OR5AN1: variants seen among roughly 807,000 people sequenced by gnomAD.
OR5AN1 encodes the protein olfactory receptor 5AN1.
For missense variants in OR5AN1, 476 were observed against 368.9 expected, an observed-to-expected ratio of 1.29 and a Z score of -2.38; for synonymous variants, 167 against 131.8, an observed-to-expected ratio of 1.27 and a Z score of -1.83.
rs1248339025 is a variant in OR5AN1 at position 59,369,530 on chromosome 11, G to C, written c.*4136G>C. 2.6e-5 allele frequency: 4 copies of C among 151,996 alleles called. No individual in the cohort carries two copies. The highest frequency in any genetic ancestry group is 4.4e-5 in the Non-Finnish European group (3 of 68,000). The allele number at this position is 151,996 out of a possible 1,614,324, so 9.4% of individuals were successfully genotyped here. A position where few individuals can be genotyped will look rare whatever the true frequency, so the allele number is the denominator to read the frequency against. On this transcript the variant is annotated 3_prime_UTR_variant, in exon 2 of 2. Coordinates refer to ENST00000641998, the MANE Select transcript of OR5AN1 (RefSeq NM_001004729.2). The stretch of plus-strand genomic sequence containing the variant: ...AGCTGAGGAAACAATCTCAGAACTT[G>C]ATGCTGGTTCTCTGAAATAAGACAG...
At position 59,366,725 on chromosome 11, in the gene OR5AN1, A is replaced by T. The variant is rs570037025; in HGVS notation, c.*1331A>T. 1 of 152,226 alleles carries T rather than the reference A, an allele frequency of 6.6e-6. No individual in the cohort carries two copies. Among genetic ancestry groups the T allele is most frequent in the South Asian group, 2.1e-4 (1 of 4,830 alleles). The allele number at this position is 152,226 out of a possible 1,614,324, so 9.4% of individuals were successfully genotyped here. On this transcript the variant is annotated 3_prime_UTR_variant, in exon 2 of 2. Coordinates refer to ENST00000641998, the MANE Select transcript of OR5AN1 (RefSeq NM_001004729.2). ...AGCTGATACTTATTCAAAACTCAGA[A>T]TAGGGACCCCAGCATATAATAAACG...
chr11:59,360,775 C>G (rs1857454278), intron 1 of OR5AN1, among the ~76,000 whole-genome samples: 1 of 152,166 alleles, frequency 6.6e-6, no homozygotes, highest in African/African-American at 2.4e-5. Context: ...CATGTCCCTG[C>G]AAAGGACATG....
Position 59,370,344 on chromosome 11 carries a change from G to A in OR5AN1, c.*4950G>A, listed in dbSNP as rs1056050859. ...GCAGGATAAAAAAGGAAGACCCAATGGTATGCTGTCTTCAAGAGACCCGTC... is the reference window on the plus strand; with the variant it reads ...GCAGGATAAAAAAGGAAGACCCAATAGTATGCTGTCTTCAAGAGACCCGTC... On this transcript the variant is annotated 3_prime_UTR_variant, in exon 2 of 2. Transcript: ENST00000641998. 2.0e-5 allele frequency: 3 copies of A among 152,076 alleles called. No individual in the cohort carries two copies. The highest frequency in any genetic ancestry group is 2.9e-5 in the Non-Finnish European group (2 of 68,006). 9.4% of individuals were successfully genotyped at this position (152,076 alleles called of 1,614,324 possible). A position where few individuals can be genotyped will look rare whatever the true frequency, so the allele number is the denominator to read the frequency against.
At position 59,370,295 on chromosome 11, in the gene OR5AN1, C is replaced by T. The variant is rs1216443768; in HGVS notation, c.*4901C>T. ...TTGAATGTAAATGGGCTAAATGCCC[C>T]ACTAAAAAGGCACAGAGTGGCAAGC... On this transcript the variant is annotated 3_prime_UTR_variant, in exon 2 of 2. Transcript: ENST00000641998. 6.6e-6 allele frequency: 1 copy of T among 152,046 alleles called. No individual in the cohort carries two copies. Among genetic ancestry groups the T allele is most frequent in the Non-Finnish European group, 1.5e-5 (1 of 68,008 alleles). 9.4% of individuals were successfully genotyped at this position (152,046 alleles called of 1,614,324 possible).
intron 1 of OR5AN1, chr11:59,359,547 C>G (rs929491725): frequency 6.6e-6 from 1 of 152,136 alleles, no homozygotes; most frequent in African/African-American, 2.4e-5. Context: ...ATTCTGTTTT[C>G]AAAATGCTAA....
intron 1 of OR5AN1, among the ~76,000 whole-genome samples, chr11:59,364,176 T>C (rs1857496314): frequency 6.6e-6 from 1 of 152,212 alleles, no homozygotes; most frequent in African/African-American, 2.4e-5. Flanking sequence ...ACTCTCAGCA[T>C]TTCTATAGCA....
Position 59,365,528 on chromosome 11 carries a change from C to T in OR5AN1, c.*134C>T. ...TGGACAAAGAAGGCTTGATTTGATG[C>T]ACAAAATATGCCAATATGGACCAAC... On this transcript the variant is annotated 3_prime_UTR_variant, in exon 2 of 2. Coordinates refer to ENST00000641998, the MANE Select transcript of OR5AN1 (RefSeq NM_001004729.2). The T allele has an allele frequency of 1.6e-6, 1 of 612,936 alleles. No homozygotes were observed. The highest frequency in any genetic ancestry group is 2.8e-6 in the Non-Finnish European group (1 of 354,100). The allele number at this position is 612,936 out of a possible 1,614,324, so 38.0% of individuals were successfully genotyped here.
intron 1 of OR5AN1, among the ~76,000 whole-genome samples, chr11:59,361,323 C>T (rs12421511): frequency 0.18 from 27,981 of 152,020 alleles, 3,242 homozygotes; most frequent in Non-Finnish European, 0.27. Flanking sequence ...GCTCTGTTGC[C>T]CAGGCTGGAG....
Position 59,366,306 on chromosome 11 carries a change from T to A in OR5AN1, c.*912T>A, listed in dbSNP as rs1857533444. Reference sequence around the variant, plus strand: ...GGTAACTATTGAATCCAGGAGAGGATGAAAGAAACATGGGTCAAATATATT... The same window carrying A: ...GGTAACTATTGAATCCAGGAGAGGAAGAAAGAAACATGGGTCAAATATATT... On this transcript the variant is annotated 3_prime_UTR_variant, in exon 2 of 2. Transcript: ENST00000641998. 1 of 152,138 alleles carries A rather than the reference T, an allele frequency of 6.6e-6. No individual in the cohort carries two copies. Among genetic ancestry groups the A allele is most frequent in the African/African-American group, 2.4e-5 (1 of 41,434 alleles). 9.4% of individuals were successfully genotyped at this position (152,138 alleles called of 1,614,324 possible).
At position 59,367,881 on chromosome 11, in the gene OR5AN1, G is replaced by A. The variant is rs1273332562; in HGVS notation, c.*2487G>A. ...CCCTGAGATGGCACTCACAGAGGGAGAAGTGGGTTACCATCTTTGCTGTTT... is the reference window on the plus strand; with the variant it reads ...CCCTGAGATGGCACTCACAGAGGGAAAAGTGGGTTACCATCTTTGCTGTTT... On this transcript the variant is annotated 3_prime_UTR_variant, in exon 2 of 2. Coordinates refer to ENST00000641998, the MANE Select transcript of OR5AN1 (RefSeq NM_001004729.2). 2.6e-5 allele frequency: 4 copies of A among 152,298 alleles called. No individual in the cohort carries two copies. The highest frequency in any genetic ancestry group is 7.2e-5 in the African/African-American group (3 of 41,446). 9.4% of individuals were successfully genotyped at this position (152,298 alleles called of 1,614,324 possible). A position where few individuals can be genotyped will look rare whatever the true frequency, so the allele number is the denominator to read the frequency against.
intron 1 of OR5AN1, among the ~76,000 whole-genome samples, chr11:59,360,812 A>G (rs1857454705): frequency 6.6e-6 from 1 of 152,232 alleles, no homozygotes; most frequent in Admixed American, 6.5e-5. Context: ...TGGCTATTCT[A>G]AGAGTAAACA....
In OR5AN1 at chr11:59,371,359, G is replaced by A. The variant is rs1320594046; in HGVS notation, c.*5965G>A. 6.6e-6 allele frequency: 1 copy of A among 151,944 alleles called. No individual in the cohort carries two copies. 9.4% of individuals were successfully genotyped at this position (151,944 alleles called of 1,614,324 possible). A position where few individuals can be genotyped will look rare whatever the true frequency, so the allele number is the denominator to read the frequency against. ...AATATGTGAAGGTGAGGAATTCAGA[G>A]GAACCTCTATAGGTCACCACCTTAG... On this transcript the variant is annotated 3_prime_UTR_variant, in exon 2 of 2. Coordinates refer to ENST00000641998, the MANE Select transcript of OR5AN1 (RefSeq NM_001004729.2).
rs779857422 is a variant in OR5AN1, at chr11:59,367,564, C to T, written c.*2170C>T. On this transcript the variant is annotated 3_prime_UTR_variant, in exon 2 of 2. Transcript: ENST00000641998. The stretch of plus-strand genomic sequence containing the variant: ...ACTGGCTTGGAATTCCAGACAGCTA[C>T]CAGTAGTGGCATTGTACCTCCCTAA... The T allele has an allele frequency of 6.6e-6, 1 of 152,250 alleles. No individual in the cohort carries two copies. The highest frequency in any genetic ancestry group is 2.1e-4 in the South Asian group (1 of 4,816). The allele number at this position is 152,250 out of a possible 1,614,324, so 9.4% of individuals were successfully genotyped here.
At position 59,365,347 on chromosome 11, in the gene OR5AN1, G is replaced by A; in HGVS notation, c.889G>A (p.Glu297Lys). Reference sequence around the variant, plus strand: ...CTTGATTTACAGTTTGAGGAACAAAGAAATTAAAGATGCCTTAAAGAGGTT... The same window carrying A: ...CTTGATTTACAGTTTGAGGAACAAAAAAATTAAAGATGCCTTAAAGAGGTT... ...NPLIYSLRNK[E>K]IKDALKRLQK... is the part of the protein sequence containing the mutation. Residue 297 changes from glutamate (E) to lysine (K), a missense_variant, in exon 2 of 2, where the codon GAA (glutamate) becomes AAA (lysine). Glu to Lys is a moderately conservative substitution (Grantham distance 56). Coordinates refer to ENST00000641998, the MANE Select transcript of OR5AN1 (RefSeq NM_001004729.2). 1 of 1,609,150 alleles carries A rather than the reference G, an allele frequency of 6.2e-7. No individual in the cohort carries two copies. Among genetic ancestry groups the A allele is most frequent in the Non-Finnish European group, 8.5e-7 (1 of 1,178,458 alleles).
intron 1 of OR5AN1, among the ~76,000 whole-genome samples, chr11:59,363,482 T>A (rs1857487792): frequency 6.6e-6 from 1 of 152,184 alleles, no homozygotes; most frequent in Non-Finnish European, 1.5e-5. Flanking sequence ...ATGCTTTGTA[T>A]TAAGGCTTCC....
At position 59,365,090 on chromosome 11, in the gene OR5AN1, G is replaced by T. The variant is rs762756314; in HGVS notation, c.632G>T (p.Ser211Ile). The T allele has an allele frequency of 4.3e-6, 7 of 1,614,074 alleles. No homozygotes were observed. The highest frequency in any genetic ancestry group is 5.9e-6 in the Non-Finnish European group (7 of 1,179,992). Residue 211 changes from serine (S) to isoleucine (I), a missense_variant, in exon 2 of 2, where the codon AGT becomes ATT. Physicochemically the swap from Ser to Ile is moderately radical, Grantham distance 142. Coordinates refer to ENST00000641998, the MANE Select transcript of OR5AN1 (RefSeq NM_001004729.2). ...AILTMFFGIA[S>I]ALVIMISYGY... is the part of the protein sequence containing the mutation. Reference sequence around the variant, plus strand: ...TTAACCATGTTCTTTGGGATAGCAAGTGCCCTAGTTATCATGATATCCTAT... The same window carrying T: ...TTAACCATGTTCTTTGGGATAGCAATTGCCCTAGTTATCATGATATCCTAT...
chr11:59,363,745 G>A (rs1014818326), intron 1 of OR5AN1, among the ~76,000 whole-genome samples: 7 of 152,088 alleles, frequency 4.6e-5, no homozygotes, highest in African/African-American at 9.7e-5. Flanking sequence ...TTGGAAGGAT[G>A]CCATTTAAAC....
rs1857595011 is a variant in OR5AN1 at position 59,371,658 on chromosome 11, G to T, written c.*6264G>T. The T allele has an allele frequency of 1.3e-5, 2 of 152,220 alleles. No individual in the cohort carries two copies. The highest frequency in any genetic ancestry group is 2.4e-5 in the African/African-American group (1 of 41,456). The allele number at this position is 152,220 out of a possible 1,614,324, so 9.4% of individuals were successfully genotyped here. On this transcript the variant is annotated 3_prime_UTR_variant, in exon 2 of 2. Coordinates refer to ENST00000641998, the MANE Select transcript of OR5AN1 (RefSeq NM_001004729.2). ...CTAGCTAAGCCCATCTTGAGGGAAGGTCCAGGGACAAATTTGGAAAAAATT... is the reference window on the plus strand; with the variant it reads ...CTAGCTAAGCCCATCTTGAGGGAAGTTCCAGGGACAAATTTGGAAAAAATT...
rs946732504 is a variant in OR5AN1, at chr11:59,369,448, T to C, written c.*4054T>C. On this transcript the variant is annotated 3_prime_UTR_variant, in exon 2 of 2. Coordinates refer to ENST00000641998, the MANE Select transcript of OR5AN1 (RefSeq NM_001004729.2). The stretch of plus-strand genomic sequence containing the variant: ...ACTTAGTGGGTCTGACAGAGCTGAA[T>C]AGCGCAATACAAGAATTCCACAATG... The C allele has an allele frequency of 1.3e-5, 2 of 152,126 alleles. No homozygotes were observed. The highest frequency in any genetic ancestry group is 4.8e-5 in the African/African-American group (2 of 41,414). 9.4% of individuals were successfully genotyped at this position (152,126 alleles called of 1,614,324 possible).
Sources: allele counts gnomAD v4.1 joint callset (sites outside exome capture counted in the v4.1 genomes callset), GRCh38; gene constraint gnomAD v4.1.1; transcripts MANE v1.5; gene names NCBI Gene and HGNC (gene_info 2026-07-23, HGNC 2026-07-21).